NAT9: variants seen among roughly 807,000 people sequenced by gnomAD.
The protein encoded by NAT9 is alpha/beta-tubulin-N-acetyltransferase 9.
Under a neutral mutation model 24.0 loss-of-function variants are expected in NAT9, and 18 were observed. That is an observed-to-expected ratio of 0.75 (90% CI 0.52 to 1.11). NAT9 has a LOEUF of 1.11. NAT9 is among the 50% of genes most tolerant of loss of function. The pLI is 0.00. For missense variants in NAT9, 254 were observed against 258.6 expected, an observed-to-expected ratio of 0.98 and a Z score of 0.12; for synonymous variants, 104 against 102.3, an observed-to-expected ratio of 1.02 and a Z score of -0.10.
Position 74,773,593 on chromosome 17 carries a change from C to T in NAT9, c.173G>A (p.Trp58Ter), listed in dbSNP as rs1567842877. 1 of 1,614,034 alleles carries T rather than the reference C, an allele frequency of 6.2e-7. No individual in the cohort carries two copies. The highest frequency in any genetic ancestry group is 8.5e-7 in the Non-Finnish European group (1 of 1,179,988). ...CTCCTCACTGTCTGCATCTTCCTGC[C>T]AGCTGCACTGCATGGCATACTCCTG... ...LEQEYAMQCS[W>*]QEDADKCTFI... is the part of the protein sequence containing the mutation. Residue 58 changes from tryptophan to a stop codon, truncating the protein, a stop_gained, in exon 3 of 7, where the codon TGG (tryptophan) becomes TAG (stop). Transcript: ENST00000357814. LOFTEE classifies it high-confidence loss of function.
intron 5 of NAT9, 49 bp from the exon 6 acceptor site, chr17:74,772,103 C>T (rs2035288200): frequency 1.2e-6 from 2 of 1,613,734 alleles, no homozygotes; most frequent in Middle Eastern, 1.6e-4. Flanking sequence ...CCTGCCCCCA[C>T]CCTCCTGTCC....
intron 4 of NAT9, 152 bp downstream of exon 4, chr17:74,772,744 T>C: frequency 4.0e-6 from 5 of 1,243,204 alleles, no homozygotes; most frequent in Non-Finnish European, 4.4e-6. Context: ...CTGAGGGGGC[T>C]AGGTGGGCAG....
In NAT9 at chr17:74,771,834, C is replaced by G; in HGVS notation, c.514G>C (p.Glu172Gln). 6.2e-7 allele frequency: 1 copy of G among 1,614,232 alleles called. No homozygotes were observed. Among genetic ancestry groups the G allele is most frequent in the Non-Finnish European group, 8.5e-7 (1 of 1,180,036 alleles). ...CTCACTGTCAGTCTGAGGGTCACCT[C>G]CTGAAAAACACTGCTCGTAGCCACC... ...EQVATSSVFQ[E>Q]VTLRLTVSES... Residue 172 changes from glutamate to glutamine, a missense_variant, in exon 7 of 7, where the codon GAG (glutamate) becomes CAG (glutamine). Transcript: ENST00000357814.
chr17:74,771,790 C>T lies in NAT9; in HGVS notation c.558G>A (p.Trp186Ter), dbSNP rs370707053. 1.5e-5 allele frequency: 24 copies of T among 1,614,054 alleles called. No homozygotes were observed. Among genetic ancestry groups the T allele is most frequent in the African/African-American group, 8.0e-5 (6 of 74,938 alleles). ...CCACGTGGCTGGTCTGCTCCAGAAGCCACTGATGCTCGGACTCACTCACTG... is the reference window on the plus strand; with the variant it reads ...CCACGTGGCTGGTCTGCTCCAGAAGTCACTGATGCTCGGACTCACTCACTG... ...RLTVSESEHQWLLEQTSHVEE... is the reference protein window; with the variant it reads ...RLTVSESEHQ The change falls in exon 7 of 7, where the codon TGG becomes TGA. Residue 186 changes from tryptophan (W) to a stop codon, truncating the protein, a stop_gained. Transcript: ENST00000357814. LOFTEE classifies it high-confidence loss of function.
chr17:74,772,774 G>C (rs2035402385), intron 4 of NAT9, 122 bp downstream of exon 4: 1 of 1,446,596 alleles, frequency 6.9e-7, no homozygotes, highest in Non-Finnish European at 9.4e-7. Context: ...CCAGGCCCTG[G>C]ACTCACCACA....
chr17:74,771,899 AT>A, intron 6 of NAT9, 41 bp from the exon 7 acceptor site: 1 of 1,614,230 alleles, frequency 6.2e-7, no homozygotes, highest in Non-Finnish European at 8.5e-7. Context: ...AAGTTACAGT[AT>A]TACCACCACC....
Position 74,775,727 on chromosome 17 carries a change from G to A in NAT9, c.-9-20C>T. Reference sequence around the variant, plus strand: ...AGCAGCCTGCATGCAGATGGGGAGAGCAAAGACTTCAGGACCCTGAATTTC... The same window carrying A: ...AGCAGCCTGCATGCAGATGGGGAGAACAAAGACTTCAGGACCCTGAATTTC... On this transcript the variant is annotated intron_variant, in intron 1 of 6. Coordinates refer to ENST00000357814, the MANE Select transcript of NAT9 (RefSeq NM_015654.5). 1 of 1,609,292 alleles carries A rather than the reference G, an allele frequency of 6.2e-7. No individual in the cohort carries two copies. The highest frequency in any genetic ancestry group is 8.5e-7 in the Non-Finnish European group (1 of 1,175,954).
In NAT9 at chr17:74,771,731, G is replaced by A. The variant is rs776016178; in HGVS notation, c.617C>T (p.Pro206Leu). 1.2e-6 allele frequency: 2 copies of A among 1,613,696 alleles called. No homozygotes were observed. The highest frequency in any genetic ancestry group is 1.7e-6 in the Non-Finnish European group (2 of 1,180,038). The change falls in exon 7 of 7, where the codon CCC becomes CTC. Residue 206 changes from proline to leucine, a missense_variant. Pro to Leu is a moderately conservative substitution (Grantham distance 98, BLOSUM62 -3). Coordinates refer to ENST00000357814, the MANE Select transcript of NAT9 (RefSeq NM_015654.5). ...EKPYRDGSAEPC is the reference protein window; with the variant it reads ...EKPYRDGSAELC ...GCCCACAAGGCCCAGCCATCAGCAG[G>A]GCTCTGCCGACCCATCTCTGTAAGG...
intron 4 of NAT9, chr17:74,772,635 C>G: frequency 7.7e-7 from 1 of 1,291,050 alleles, no homozygotes; most frequent in Non-Finnish European, 1.0e-6. Flanking sequence ...CCCACCCCAA[C>G]TATGGGACTA....
chr17:74,772,527 C>T (rs1209498944), intron 4 of NAT9: 3 of 1,412,764 alleles, frequency 2.1e-6, no homozygotes, highest in Non-Finnish European at 2.8e-6. Flanking sequence ...TCAGTAGCCA[C>T]TTGGGGGAAA....
intron 2 of NAT9, 188 bp from the exon 3 acceptor site, chr17:74,773,876 C>T (rs527814074): frequency 3.2e-5 from 18 of 559,720 alleles, no homozygotes; most frequent in African/African-American, 3.0e-4. Flanking sequence ...ACAAGAACAG[C>T]AGGACGAGTC....
chr17:74,771,995 T>C lies in NAT9; in HGVS notation c.454A>G (p.Ser152Gly). 1 of 1,614,238 alleles carries C rather than the reference T, an allele frequency of 6.2e-7. No homozygotes were observed. Among genetic ancestry groups the C allele is most frequent in the Non-Finnish European group, 8.5e-7 (1 of 1,180,038 alleles). The change falls in exon 6 of 7, where the codon AGC becomes GGC. Residue 152 changes from serine (S) to glycine (G), a missense_variant. Physicochemically the swap from Ser to Gly is moderately conservative, Grantham distance 56. Transcript: ENST00000357814. ...TGAAGTTTCTGGAACATCCGGATGCTTGGTTCATTTCCTTGCCCAATTTTA... is the reference window on the plus strand; with the variant it reads ...TGAAGTTTCTGGAACATCCGGATGCCTGGTTCATTTCCTTGCCCAATTTTA... ...EAKIGQGNEPSIRMFQKLHFE... is the reference protein window; with the variant it reads ...EAKIGQGNEPGIRMFQKLHFE...
chr17:74,772,178 G>T, intron 5 of NAT9, 40 bp downstream of exon 5: 3 of 1,614,164 alleles, frequency 1.9e-6, no homozygotes, highest in Non-Finnish European at 2.5e-6. Flanking sequence ...TTCACCTGGG[G>T]CCTGCCCACT....
rs1266012565 is a variant in NAT9 at position 74,770,886 on chromosome 17, T to C, written c.*838A>G. 2.0e-5 allele frequency: 3 copies of C among 152,266 alleles called. No homozygotes were observed. The highest frequency in any genetic ancestry group is 4.4e-5 in the Non-Finnish European group (3 of 68,102). The allele number at this position is 152,266 out of a possible 1,614,324, so 9.4% of individuals were successfully genotyped here. A position where few individuals can be genotyped will look rare whatever the true frequency, so the allele number is the denominator to read the frequency against. On this transcript the variant is annotated 3_prime_UTR_variant, in exon 7 of 7. Transcript: ENST00000357814. ...AGGTAGCCCGGCCACCCTGAGCCTG[T>C]GCCTCCACTGCCCCCGCGTGGCCAG...
chr17:74,771,895 C>T, intron 6 of NAT9, 37 bp from the exon 7 acceptor site: 2 of 1,614,266 alleles, frequency 1.2e-6, no homozygotes, highest in Non-Finnish European at 1.7e-6. Flanking sequence ...TGCTAAGTTA[C>T]AGTATTACCA....
rs1356560791 is a variant in NAT9 at position 74,772,055 on chromosome 17, C to A, written c.395-1G>T. 1 of 1,614,088 alleles carries A rather than the reference C, an allele frequency of 6.2e-7. No homozygotes were observed. On this transcript the variant is annotated splice_acceptor_variant, in intron 5 of 6. Transcript: ENST00000357814. LOFTEE classifies it high-confidence loss of function. ...TTGGTCAGACCTAGCGTGGTCACTC[C>A]TCGCAGAGGAGATGAGACAGGGGCA...
chr17:74,771,896 A>G, intron 6 of NAT9, 38 bp from the exon 7 acceptor site: 2 of 1,614,248 alleles, frequency 1.2e-6, no homozygotes, highest in African/African-American at 1.3e-5. Flanking sequence ...GCTAAGTTAC[A>G]GTATTACCAC....
At chr17:74,775,048 C>G (rs556376983) in intron 2 of NAT9, among the ~76,000 whole-genome samples, 10 of 149,518 alleles carry the variant, frequency 6.7e-5, no homozygotes, top group Non-Finnish European at 1.3e-4. Context: ...GTAGAGATGG[C>G]GTTTTATCAT....
Position 74,773,032 on chromosome 17 carries a change from G to A in NAT9, c.198C>T (p.Thr66=), listed in dbSNP as rs1269297955. The part of the protein sequence containing the change: ...CSWQEDADKC[T]FIVLDAEKWQ... Reference sequence around the variant, plus strand: ...ACTTCTCGGCATCCAGCACAATGAAGGTACACTCTGAGGAGGAGGTGACAG... The same window carrying A: ...ACTTCTCGGCATCCAGCACAATGAAAGTACACTCTGAGGAGGAGGTGACAG... The change falls in exon 4 of 7, where the codon ACC becomes ACT. Residue 66 remains threonine, a synonymous_variant. Transcript: ENST00000357814. 1.9e-6 allele frequency: 3 copies of A among 1,613,832 alleles called. No individual in the cohort carries two copies. The Admixed American group carries it at 5.0e-5, about 27-fold the overall frequency.
Sources: gnomAD v4.1 joint callset for allele counts (sites outside exome capture counted in the v4.1 genomes callset) on GRCh38, gnomAD v4.1.1 for gene constraint, MANE v1.5 for transcripts, NCBI Gene and HGNC (gene_info 2026-07-23, HGNC 2026-07-21) for gene names.